The following ABCG2 variants were observed in gnomAD, a reference collection of about 807,000 sequenced individuals.
ABCG2 encodes ATP binding cassette subfamily G member 2 (JR blood group).
Under a neutral mutation model 73.5 loss-of-function variants are expected in ABCG2, and 80 were observed. The observed-to-expected ratio is 1.09, with a 90% CI of 0.91 to 1.31. The LOEUF (loss-of-function observed/expected upper bound fraction) is 1.31, where lower values mean the gene tolerates loss of function less well. Among genes scored for constraint, ABCG2 ranks in the 50% most tolerant of loss-of-function variants. The pLI, the probability that ABCG2 is intolerant of heterozygous loss-of-function variation, is 0.00. For synonymous variants in ABCG2, 269 were observed against 282.4 expected (o/e 0.95, Z 0.48); for missense variants, 796 against 786.2 (o/e 1.01, Z -0.15).
intron 1 of ABCG2, among the ~76,000 whole-genome samples, chr4:88,224,736 TG>T (rs1345994808): frequency 6.6e-6 from 1 of 152,228 alleles, no homozygotes; most frequent in Non-Finnish European, 1.5e-5. Flanking sequence ...ATTTTTATTT[TG>T]TTGCCTGTGC....
chr4:88,210,803 G>A (rs1443942499), intron 1 of ABCG2, among the ~76,000 whole-genome samples: 3 of 151,940 alleles, frequency 2.0e-5, no homozygotes, highest in Admixed American at 6.6e-5. Context: ...CACTGGTCTC[G>A]AACTCCTAGC....
intron 1 of ABCG2, among the ~76,000 whole-genome samples, chr4:88,222,821 A>G (rs909433052): frequency 6.6e-6 from 1 of 152,178 alleles, no homozygotes; most frequent in African/African-American, 2.4e-5. Context: ...CACCCGGAAA[A>G]GCTGCAGACA....
chr4:88,101,430 A>G lies in ABCG2; in HGVS notation c.1278-111T>C, dbSNP rs1044584598. ...GACAGTGTATAAAGTTAAGCAGGAA[A>G]AAAAGGGAAACTGTTCTGGTTGGAA... On this transcript the variant is annotated intron_variant, in intron 10 of 15. Transcript: ENST00000237612. 8 of 964,152 alleles carry G rather than the reference A, an allele frequency of 8.3e-6. No homozygotes were observed. In the South Asian group the frequency reaches 9.9e-5, roughly 12 times the overall value. 59.7% of individuals were successfully genotyped at this position (964,152 alleles called of 1,614,324 possible).
chr4:88,219,576 A>ATTTTTTTTTT (rs5860122), intron 1 of ABCG2, among the ~76,000 whole-genome samples: 8 of 90,870 alleles, frequency 8.8e-5, no homozygotes, highest in Admixed American at 1.7e-4. Flanking sequence ...TACCATTCAA[A>ATTTTTTTTTT]TTTTTTTTTT....
At chr4:88,138,283 C>A (rs1725387819) in intron 2 of ABCG2, among the ~76,000 whole-genome samples, 1 of 152,094 alleles carries the variant, frequency 6.6e-6, no homozygotes, top group Admixed American at 6.5e-5. Flanking sequence ...TCCATAAGAT[C>A]TTCAGCGTTG....
chr4:88,145,861 G>T (rs567818282), intron 1 of ABCG2, among the ~76,000 whole-genome samples: 2 of 152,244 alleles, frequency 1.3e-5, no homozygotes, highest in African/African-American at 4.8e-5. Flanking sequence ...CTTGAATTCA[G>T]AAGGCAGAGA....
At chr4:88,153,602 G>C (rs991928903) in intron 1 of ABCG2, among the ~76,000 whole-genome samples, 1 of 151,260 alleles carries the variant, frequency 6.6e-6, no homozygotes, top group Non-Finnish European at 1.5e-5. Flanking sequence ...TGGCTGATTT[G>C]ACTAATAAAG....
At chr4:88,225,407 G>T (rs1194017948) in intron 1 of ABCG2, among the ~76,000 whole-genome samples, 1 of 152,178 alleles carries the variant, frequency 6.6e-6, no homozygotes, top group African/African-American at 2.4e-5. Flanking sequence ...AAGGCTTGGA[G>T]GAAGGCAATG....
intron 1 of ABCG2, among the ~76,000 whole-genome samples, chr4:88,148,693 G>A (rs1238954225): frequency 2.0e-5 from 3 of 152,148 alleles, no homozygotes; most frequent in South Asian, 2.1e-4. Context: ...TGTACACACG[G>A]TTCTGCCTAA....
At chr4:88,180,611 G>T (rs925203754) in intron 1 of ABCG2, among the ~76,000 whole-genome samples, 1 of 152,090 alleles carries the variant, frequency 6.6e-6, no homozygotes, top group African/African-American at 2.4e-5. Flanking sequence ...TTATGGAAAT[G>T]GTGGTGTGCA....
chr4:88,102,010 T>C (rs943363013), intron 10 of ABCG2, among the ~76,000 whole-genome samples: 2 of 152,186 alleles, frequency 1.3e-5, no homozygotes, highest in African/African-American at 4.8e-5. Flanking sequence ...ATTAGCCACT[T>C]TGATTTTAAA....
intron 5 of ABCG2, among the ~76,000 whole-genome samples, chr4:88,124,348 A>T (rs1255113987): frequency 6.6e-6 from 1 of 152,254 alleles, no homozygotes; most frequent in Non-Finnish European, 1.5e-5. Context: ...TAAATGCCCC[A>T]GTTAAAAGAC....
intron 7 of ABCG2, 90 bp downstream of exon 7, chr4:88,118,019 A>G (rs1578194405): frequency 3.8e-6 from 5 of 1,320,902 alleles, no homozygotes; most frequent in Non-Finnish European, 5.2e-6. Flanking sequence ...TGTCTACCCA[A>G]AGACCAAACA....
chr4:88,174,913 T>C (rs1046771373), intron 1 of ABCG2, among the ~76,000 whole-genome samples: 1 of 152,204 alleles, frequency 6.6e-6, no homozygotes, highest in African/African-American at 2.4e-5. Context: ...GTATAAGGTG[T>C]AAGGAAGGAG....
intron 1 of ABCG2, among the ~76,000 whole-genome samples, chr4:88,183,357 A>G (rs975673988): frequency 6.6e-5 from 10 of 152,124 alleles, no homozygotes; most frequent in Non-Finnish European, 1.0e-4. Flanking sequence ...GAAAAGAAAC[A>G]AATAAATAAA....
At position 88,100,345 on chromosome 4, in the gene ABCG2, C is replaced by T. The variant is rs183559271; in HGVS notation, c.1367+885G>A. On this transcript the variant is annotated intron_variant, in intron 11 of 15. Transcript: ENST00000237612. ...CGAAACCCCATCTCTACTAAAAATA[C>T]CAAAAAAATTAGCTGGGTGTGGTGG... Among the ~76,000 whole-genome samples the T allele has an allele frequency of 1.0e-3, 152 of 151,664 alleles. 1 individual carries two copies. The highest frequency in any genetic ancestry group is 3.5e-3 in the East Asian group (18 of 5,140).
intron 8 of ABCG2, among the ~76,000 whole-genome samples, chr4:88,114,460 C>G (rs543159806): frequency 3.3e-5 from 5 of 152,160 alleles, no homozygotes; most frequent in African/African-American, 1.2e-4. Context: ...AACTCCATCT[C>G]TACTAAATAT....
At chr4:88,192,197 A>G (rs527910221) in intron 1 of ABCG2, among the ~76,000 whole-genome samples, 1 of 144,622 alleles carries the variant, frequency 6.9e-6, no homozygotes, top group South Asian at 2.2e-4. Context: ...AAAAAAAAAA[A>G]GAAAGAAATT....
At position 88,190,975 on chromosome 4, in the gene ABCG2, G is replaced by A. The variant is rs191611623; in HGVS notation, c.-20+40019C>T. ...AAATTGGCCAGGCACTGTGGCTCAC[G>A]CCTGTAATCCCAGCACTTTGGGAGG... On this transcript the variant is annotated intron_variant, in intron 1 of 15. Transcript: ENST00000515655. 1.5e-4 allele frequency among the ~76,000 whole-genome samples: 23 copies of A among 151,920 alleles called. No individual in the cohort carries two copies. The East Asian group carries it at 3.9e-3, about 26-fold the overall frequency.
Sources: gnomAD v4.1 joint callset for allele counts (sites outside exome capture counted in the v4.1 genomes callset) on GRCh38, gnomAD v4.1.1 for gene constraint, MANE v1.5 for transcripts, NCBI Gene and HGNC (gene_info 2026-07-23, HGNC 2026-07-21) for gene names.